Variants in EPB41L4A observed in about 807,000 individuals in gnomAD.
The protein encoded by EPB41L4A is band 4.1-like protein 4A.
Under a neutral mutation model 108.6 loss-of-function variants are expected in EPB41L4A, and 100 were observed. That is an observed-to-expected ratio of 0.92 (90% CI 0.78 to 1.09). The LOEUF is 1.09. Among genes scored for constraint, EPB41L4A ranks in the 50% least tolerant of loss-of-function variants. EPB41L4A has a pLI of 0.00. For missense variants in EPB41L4A, 1,030 were observed against 842.7 expected (o/e 1.22, Z -2.75); for synonymous variants, 319 against 289.0 (o/e 1.10, Z -1.05).
intron 11 of EPB41L4A, among the ~76,000 whole-genome samples, chr5:112,237,233 T>TAAC (rs771962785): frequency 1.8e-4 from 27 of 152,102 alleles, no homozygotes; most frequent in Non-Finnish European, 3.5e-4. Flanking sequence ...AAAACAACAG[T>TAAC]AACAACAACA....
intron 7 of EPB41L4A, among the ~76,000 whole-genome samples, chr5:112,260,239 C>T (rs534841694): frequency 2.2e-4 from 34 of 152,266 alleles, no homozygotes; most frequent in Non-Finnish European, 3.8e-4. Flanking sequence ...ACCAGTCAGG[C>T]CAATGGGACT....
In EPB41L4A at chr5:112,391,157, G is replaced by A. The variant is rs533488892; in HGVS notation, c.99+27784C>T. Among the ~76,000 whole-genome samples the A allele has an allele frequency of 7.2e-5, 11 of 152,286 alleles. No individual in the cohort carries two copies. The South Asian group carries it at 1.0e-3, about 14-fold the overall frequency. ...AGCTGAAAATTCTAAAAACTAGAGC[G>A]CCTCTTCTCCTCCAAAGGACTGCAG... On this transcript the variant is annotated intron_variant, in intron 1 of 22. Coordinates refer to ENST00000261486, the MANE Select transcript of EPB41L4A (RefSeq NM_022140.5).
intron 17 of EPB41L4A, among the ~76,000 whole-genome samples, chr5:112,190,309 A>G (rs1257764530): frequency 1.3e-5 from 2 of 151,740 alleles, no homozygotes; most frequent in Middle Eastern, 3.4e-3. Flanking sequence ...GTAAGTTTTA[A>G]GGGGGGGGTG....
chr5:112,341,224 C>G (rs1468937094), intron 1 of EPB41L4A, among the ~76,000 whole-genome samples: 1 of 152,166 alleles, frequency 6.6e-6, no homozygotes, highest in Non-Finnish European at 1.5e-5. Context: ...GCAGGACACT[C>G]AAATTTTAAT....
At chr5:112,144,199 A>G (rs1163291836) in intron 13 of EPB41L4A, among the ~76,000 whole-genome samples, 3 of 152,220 alleles carry the variant, frequency 2.0e-5, no homozygotes, top group African/African-American at 7.2e-5. Flanking sequence ...AAAGCATTTT[A>G]TTATACTTAA....
intron 12 of EPB41L4A, among the ~76,000 whole-genome samples, chr5:112,223,958 C>T (rs924189945): frequency 3.3e-5 from 5 of 151,986 alleles, no homozygotes; most frequent in African/African-American, 7.2e-5. Context: ...GAACTTTAGG[C>T]TTTTTTCTTT....
intron 1 of EPB41L4A, among the ~76,000 whole-genome samples, chr5:112,381,158 C>A (rs980281908): frequency 6.6e-6 from 1 of 152,204 alleles, no homozygotes; most frequent in African/African-American, 2.4e-5. Context: ...TGCTTCACAA[C>A]AGAGCCAGGT....
At chr5:112,185,629 G>A (rs150150299) in intron 17 of EPB41L4A, among the ~76,000 whole-genome samples, 98 of 152,244 alleles carry the variant, frequency 6.4e-4, no homozygotes, top group Non-Finnish European at 1.1e-3. Context: ...AGATTAACAG[G>A]ATACTGTCAA....
At chr5:112,231,573 C>T (rs924841468) in intron 12 of EPB41L4A, among the ~76,000 whole-genome samples, 10 of 151,132 alleles carry the variant, frequency 6.6e-5, no homozygotes, top group African/African-American at 2.2e-4. Flanking sequence ...ATCATGAGGT[C>T]AGGAGATCGA....
chr5:112,357,865 C>T (rs1758462791), intron 1 of EPB41L4A, among the ~76,000 whole-genome samples: 1 of 151,968 alleles, frequency 6.6e-6, no homozygotes, highest in African/African-American at 2.4e-5. Flanking sequence ...TATTTTTGTC[C>T]CTTGTAAATG....
At chr5:112,345,428 A>T (rs1160986005) in intron 1 of EPB41L4A, among the ~76,000 whole-genome samples, 1 of 152,182 alleles carries the variant, frequency 6.6e-6, no homozygotes, top group East Asian at 1.9e-4. Context: ...AAGATATGTT[A>T]ATTTTTTAAA....
chr5:112,230,876 T>C (rs1213614596), intron 12 of EPB41L4A, among the ~76,000 whole-genome samples: 2 of 152,206 alleles, frequency 1.3e-5, no homozygotes, highest in South Asian at 4.1e-4. Context: ...TGAACCAAGA[T>C]TGGACCACTG....
intron 1 of EPB41L4A, among the ~76,000 whole-genome samples, chr5:112,401,586 G>A (rs890229296): frequency 6.6e-6 from 1 of 152,170 alleles, no homozygotes. Context: ...AATTTAAGAA[G>A]AAGTATAAAA....
intron 1 of EPB41L4A, among the ~76,000 whole-genome samples, chr5:112,406,428 A>G (rs1178580039): frequency 6.6e-6 from 1 of 152,174 alleles, no homozygotes; most frequent in African/African-American, 2.4e-5. Flanking sequence ...ATAAGCTCTA[A>G]TACTAAAAAT....
At chr5:112,209,779 A>G in intron 13 of EPB41L4A, 113 bp downstream of exon 13, 1 of 607,892 alleles carries the variant, frequency 1.6e-6, no homozygotes, top group East Asian at 2.9e-5. Context: ...GATCCCATGG[A>G]TCAAAAGTAT....
At chr5:112,326,213 C>T (rs897734578) in intron 1 of EPB41L4A, among the ~76,000 whole-genome samples, 2 of 152,034 alleles carry the variant, frequency 1.3e-5, no homozygotes, top group African/African-American at 2.4e-5. Flanking sequence ...CACTGACTGC[C>T]TCTCTTTCCT....
chr5:112,374,873 T>C (rs910599345), intron 1 of EPB41L4A, among the ~76,000 whole-genome samples: 2 of 152,222 alleles, frequency 1.3e-5, no homozygotes, highest in Admixed American at 6.5e-5. Context: ...CACCATCACC[T>C]AGAATGGATG....
chr5:112,405,749 T>G (rs986928903), intron 1 of EPB41L4A, among the ~76,000 whole-genome samples: 2 of 152,226 alleles, frequency 1.3e-5, no homozygotes, highest in Non-Finnish European at 2.9e-5. Context: ...AGAAACAATT[T>G]CTTACAAGAA....
intron 2 of EPB41L4A, among the ~76,000 whole-genome samples, chr5:112,301,809 A>G (rs938245848): frequency 6.6e-6 from 1 of 152,150 alleles, no homozygotes; most frequent in African/African-American, 2.4e-5. Context: ...CATGGTAATA[A>G]CAACTACTTT....
Sources: gnomAD v4.1 joint callset for allele counts (sites outside exome capture counted in the v4.1 genomes callset) on GRCh38, gnomAD v4.1.1 for gene constraint, MANE v1.5 for transcripts, NCBI Gene and HGNC (gene_info 2026-07-23, HGNC 2026-07-21) for gene names.